Variants in MDGA2 observed in about 807,000 individuals in gnomAD.
MDGA2 encodes the protein MAM domain-containing glycosylphosphatidylinositol anchor protein 2.
In MDGA2, 40 loss-of-function variants were observed where a neutral mutation model predicts 117.8. The ratio of observed to expected loss-of-function variants is 0.34; its 90% CI spans 0.26 to 0.44. MDGA2 has a LOEUF of 0.44. Among genes scored for constraint, MDGA2 ranks in the 20% least tolerant of loss-of-function variants. The pLI is 1.00. For synonymous variants in MDGA2, 452 were observed against 439.0 expected (o/e 1.03, Z -0.37); for missense variants, 1,123 against 1,250.6 (o/e 0.90, Z 1.54).
intron 1 of MDGA2, among the ~76,000 whole-genome samples, chr14:47,523,784 T>C (rs1894918693): frequency 6.6e-6 from 1 of 152,216 alleles, no homozygotes; most frequent in African/African-American, 2.4e-5. Context: ...ATATCTGTTT[T>C]TATTTTGCTA....
At position 47,373,008 on chromosome 14, in the gene MDGA2, T is replaced by C. The variant is rs568029730; in HGVS notation, c.281-71458A>G. 1.5e-3 allele frequency among the ~76,000 whole-genome samples: 228 copies of C among 152,130 alleles called. 2 individuals are homozygous for C. The highest frequency in any genetic ancestry group is 5.2e-3 in the African/African-American group (217 of 41,560). On this transcript the variant is annotated intron_variant, in intron 1 of 16. Transcript: ENST00000399232. ...GCAAATACCAGTATTATCCCATTTT[T>C]AAAAATCATATAACAAACCTCATAT...
intron 1 of MDGA2, among the ~76,000 whole-genome samples, chr14:47,649,124 G>A (rs1897590470): frequency 6.6e-6 from 1 of 151,986 alleles, no homozygotes; most frequent in South Asian, 2.1e-4. Flanking sequence ...TATTTCCATA[G>A]TCATAGTGAT....
At chr14:47,600,087 A>G (rs983297135) in intron 1 of MDGA2, among the ~76,000 whole-genome samples, 1 of 151,784 alleles carries the variant, frequency 6.6e-6, no homozygotes, top group Non-Finnish European at 1.5e-5. Flanking sequence ...GCTACATTGA[A>G]TTTTCTCTTC....
chr14:47,476,954 G>C (rs1265522117), intron 1 of MDGA2, among the ~76,000 whole-genome samples: 1 of 152,198 alleles, frequency 6.6e-6, no homozygotes, highest in Non-Finnish European at 1.5e-5. Flanking sequence ...CGGAGGTCAG[G>C]AGTTCGAGAT....
At chr14:46,861,459 TTA>T (rs1281678201) in intron 14 of MDGA2, among the ~76,000 whole-genome samples, 1 of 151,874 alleles carries the variant, frequency 6.6e-6, no homozygotes, top group Non-Finnish European at 1.5e-5. Flanking sequence ...TTATTTCTAT[TTA>T]TGTTTGTTGA....
rs555307639 is a variant in MDGA2, at chr14:47,329,530, C to T, written c.281-27980G>A. On this transcript the variant is annotated intron_variant, in intron 1 of 16. Transcript: ENST00000399232. ...TCTCACTTCCCATTAATGAGCATAT[C>T]GCTTTTCTGTAAGATTCCAGTGTGG... Among the ~76,000 whole-genome samples the T allele has an allele frequency of 2.6e-3, 388 of 152,114 alleles. 2 individuals are homozygous for T. Among genetic ancestry groups the T allele is most frequent in the African/African-American group, 9.0e-3 (375 of 41,530 alleles).
intron 6 of MDGA2, among the ~76,000 whole-genome samples, chr14:47,075,359 G>C (rs1331044541): frequency 6.6e-6 from 1 of 152,146 alleles, no homozygotes; most frequent in Non-Finnish European, 1.5e-5. Flanking sequence ...ACAGCACTTA[G>C]GTTGGTGACA....
At chr14:47,202,812 C>G (rs1264302145) in intron 3 of MDGA2, among the ~76,000 whole-genome samples, 1 of 152,108 alleles carries the variant, frequency 6.6e-6, no homozygotes, top group South Asian at 2.1e-4. Flanking sequence ...CAATGGTGCT[C>G]TAATGACCTT....
At chr14:47,361,120 T>G (rs561724303) in intron 1 of MDGA2, among the ~76,000 whole-genome samples, 1 of 152,170 alleles carries the variant, frequency 6.6e-6, no homozygotes, top group Admixed American at 6.5e-5. Context: ...TGTGAATGAA[T>G]ATGTTAATTT....
chr14:47,072,143 T>A (rs1187803783), intron 6 of MDGA2, among the ~76,000 whole-genome samples: 1 of 141,854 alleles, frequency 7.0e-6, no homozygotes, highest in Non-Finnish European at 1.5e-5. Flanking sequence ...TGCAGGTACA[T>A]GAAAATGTAT....
intron 1 of MDGA2, among the ~76,000 whole-genome samples, chr14:47,536,941 C>T (rs1436453710): frequency 6.6e-6 from 1 of 152,140 alleles, no homozygotes; most frequent in Non-Finnish European, 1.5e-5. Flanking sequence ...AAGTTAGCCA[C>T]ATAACAAAAG....
chr14:47,244,060 T>G (rs748609655), intron 2 of MDGA2, among the ~76,000 whole-genome samples: 22 of 151,920 alleles, frequency 1.4e-4, no homozygotes, highest in African/African-American at 5.3e-4. Flanking sequence ...TGATAATTGC[T>G]TCTTTATTTA....
intron 1 of MDGA2, among the ~76,000 whole-genome samples, chr14:47,419,092 CT>C (rs1437757654): frequency 6.6e-6 from 1 of 152,132 alleles, no homozygotes; most frequent in Non-Finnish European, 1.5e-5. Flanking sequence ...TCACTTCACA[CT>C]GTTATATCAG....
chr14:47,015,966 C>T (rs1594529563), intron 8 of MDGA2, among the ~76,000 whole-genome samples: 4 of 152,122 alleles, frequency 2.6e-5, no homozygotes, highest in East Asian at 1.9e-4. Context: ...GTTACCCAGA[C>T]TAACCATTAA....
At chr14:47,371,005 T>C (rs1224028299) in intron 1 of MDGA2, among the ~76,000 whole-genome samples, 1 of 151,856 alleles carries the variant, frequency 6.6e-6, no homozygotes, top group Non-Finnish European at 1.5e-5. Context: ...TTTTAAAATA[T>C]CCTTTGACTT....
chr14:47,417,355 C>T (rs1892495311), intron 1 of MDGA2, among the ~76,000 whole-genome samples: 1 of 152,154 alleles, frequency 6.6e-6, no homozygotes, highest in Admixed American at 6.5e-5. Flanking sequence ...CACAATTCAG[C>T]CAAATTATTT....
At chr14:47,525,044 T>C (rs1221229644) in intron 1 of MDGA2, among the ~76,000 whole-genome samples, 4 of 152,222 alleles carry the variant, frequency 2.6e-5, no homozygotes, top group Non-Finnish European at 5.9e-5. Context: ...ATCTCAATGA[T>C]TGGAAGTTCA....
At chr14:47,414,911 T>A (rs1010781941) in intron 1 of MDGA2, among the ~76,000 whole-genome samples, 1 of 152,134 alleles carries the variant, frequency 6.6e-6, no homozygotes, top group Non-Finnish European at 1.5e-5. Flanking sequence ...AAGATTTAGA[T>A]ATAATTCTAT....
chr14:47,061,899 A>G (rs933315981), intron 6 of MDGA2, among the ~76,000 whole-genome samples: 2 of 152,030 alleles, frequency 1.3e-5, no homozygotes, highest in African/African-American at 4.8e-5. Context: ...TGAACAAATG[A>G]CAGATTCTAT....
Sources: allele counts gnomAD v4.1 joint callset (sites outside exome capture counted in the v4.1 genomes callset), GRCh38; gene constraint gnomAD v4.1.1; transcripts MANE v1.5; gene names NCBI Gene and HGNC (gene_info 2026-07-23, HGNC 2026-07-21).